Variants in GLDC observed in about 807,000 individuals in gnomAD.
GLDC encodes glycine dehydrogenase (decarboxylating), mitochondrial.
A neutral mutation model predicts 121.3 loss-of-function variants in GLDC; 104 were observed. The observed-to-expected ratio is 0.86, with a 90% CI of 0.73 to 1.01. The LOEUF is 1.01. Among genes scored for constraint, GLDC ranks in the 50% least tolerant of loss-of-function variants. The pLI is 0.00. For synonymous variants in GLDC, 546 were observed against 480.6 expected, an observed-to-expected ratio of 1.14 and a Z score of -1.78; for missense variants, 1,429 against 1,306.6, an observed-to-expected ratio of 1.09 and a Z score of -1.44.
At chr9:6,612,949 G>A (rs546391609) in intron 3 of GLDC, among the ~76,000 whole-genome samples, 3 of 152,208 alleles carry the variant, frequency 2.0e-5, no homozygotes, top group East Asian at 3.9e-4. Context: ...CCTGGGTGAC[G>A]GGAGTGAGAC....
chr9:6,594,620 G>T (rs935329774), intron 9 of GLDC, among the ~76,000 whole-genome samples: 8 of 152,094 alleles, frequency 5.3e-5, no homozygotes, highest in African/African-American at 1.9e-4. Flanking sequence ...ACATGAATCC[G>T]GGAAGTGGAG....
chr9:6,546,813 T>A (rs1423131173), intron 21 of GLDC, among the ~76,000 whole-genome samples: 1 of 151,502 alleles, frequency 6.6e-6, no homozygotes, highest in African/African-American at 2.4e-5. Context: ...AATACAAAAA[T>A]CAGCCAAGCG....
rs528875416 is a variant in GLDC at position 6,532,938 on chromosome 9, G to A, written c.*79C>T. The A allele has an allele frequency of 9.2e-6, 9 of 977,500 alleles. No individual in the cohort carries two copies. Among genetic ancestry groups the A allele is most frequent in the South Asian group, 3.9e-5 (3 of 77,840 alleles). The allele number at this position is 977,500 out of a possible 1,614,324, so 60.6% of individuals were successfully genotyped here. A position where few individuals can be genotyped will look rare whatever the true frequency, so the allele number is the denominator to read the frequency against. On this transcript the variant is annotated 3_prime_UTR_variant, in exon 25 of 25. Coordinates refer to ENST00000321612, the MANE Select transcript of GLDC (RefSeq NM_000170.3). ...TAAAACTCCTACTTGAGGCTGGGGT[G>A]GGAGATGAAATCTTTCTTGCTTATC... is the stretch of plus-strand genomic sequence containing the variant.
At chr9:6,620,161 T>C (rs752295739) in intron 3 of GLDC, 23 bp downstream of exon 3, 55 of 1,610,040 alleles carry the variant, frequency 3.4e-5, no homozygotes, top group Non-Finnish European at 4.6e-5. Flanking sequence ...GTCATCCTGT[T>C]CCTGAACTGA....
chr9:6,539,035 A>C (rs1369520752), intron 22 of GLDC, among the ~76,000 whole-genome samples: 2 of 152,148 alleles, frequency 1.3e-5, no homozygotes, highest in African/African-American at 4.8e-5. Context: ...GAAACTATTA[A>C]ATTTAAAAGA....
At chr9:6,591,904 A>C (rs1347418811) in intron 11 of GLDC, 1 of 464,816 alleles carries the variant, frequency 2.2e-6, no homozygotes, top group Non-Finnish European at 3.9e-6. Context: ...AGGCACTTTC[A>C]ATGAAACACC....
intron 3 of GLDC, among the ~76,000 whole-genome samples, chr9:6,616,241 A>G (rs754166765): frequency 7.2e-5 from 11 of 152,224 alleles, no homozygotes; most frequent in Non-Finnish European, 1.5e-4. Flanking sequence ...ATATTATTAC[A>G]TATTTCCACT....
chr9:6,564,928 G>C (rs1387185055), intron 16 of GLDC, among the ~76,000 whole-genome samples: 1 of 152,210 alleles, frequency 6.6e-6, no homozygotes, highest in Non-Finnish European at 1.5e-5. Flanking sequence ...AATATTGTTT[G>C]AGCATACTAT....
rs1044944625 is a variant in GLDC at position 6,565,492 on chromosome 9, T to C, written c.1851-63A>G. On this transcript the variant is annotated intron_variant, in intron 15 of 24. Coordinates refer to ENST00000321612, the MANE Select transcript of GLDC (RefSeq NM_000170.3). Reference sequence around the variant, plus strand: ...TTCTGGCTTTCATTTACTCATTCAATATTTATTGGGCCCTGGCCAGGGGTT... The same window carrying C: ...TTCTGGCTTTCATTTACTCATTCAACATTTATTGGGCCCTGGCCAGGGGTT... The C allele has an allele frequency of 7.8e-6, 10 of 1,279,698 alleles. No homozygotes were observed. The African/African-American group carries it at 1.0e-4, about 13-fold the overall frequency. 79.3% of individuals were successfully genotyped at this position (1,279,698 alleles called of 1,614,324 possible). A position where few individuals can be genotyped will look rare whatever the true frequency, so the allele number is the denominator to read the frequency against.
chr9:6,610,061 T>C lies in GLDC; in HGVS notation c.635+131A>G, dbSNP rs912811176. ...TCTAGGTTTTTGAACCTGTTGAGTT[T>C]TTCAGTTTCTCTGAAAAGTCATACT... On this transcript the variant is annotated intron_variant, in intron 4 of 24. Transcript: ENST00000321612. 2.4e-5 allele frequency: 18 copies of C among 739,828 alleles called. No homozygotes were observed. In the African/African-American group the frequency reaches 3.2e-4, roughly 13 times the overall value. The allele number at this position is 739,828 out of a possible 1,614,324, so 45.8% of individuals were successfully genotyped here.
At chr9:6,636,877 A>G (rs895120020) in intron 2 of GLDC, among the ~76,000 whole-genome samples, 1 of 152,072 alleles carries the variant, frequency 6.6e-6, no homozygotes, top group Admixed American at 6.5e-5. Flanking sequence ...TGAGGTCAGG[A>G]GTTCAAGACC....
In GLDC at chr9:6,587,332, TA is replaced by T. The variant is rs1013877516; in HGVS notation, c.1708-50del. 6 of 1,316,556 alleles carry T rather than the reference TA, an allele frequency of 4.6e-6. No homozygotes were observed. The African/African-American group carries it at 5.9e-5, about 13-fold the overall frequency. 81.6% of individuals were successfully genotyped at this position (1,316,556 alleles called of 1,614,324 possible). A position where few individuals can be genotyped will look rare whatever the true frequency, so the allele number is the denominator to read the frequency against. Reference sequence around the variant, plus strand: ...GCATATATACATATTATAATAGCAATAGCAATAATAACTTTAATAATAATGA... The same window carrying T: ...GCATATATACATATTATAATAGCAATGCAATAATAACTTTAATAATAATGA... On this transcript the variant is annotated intron_variant, in intron 14 of 24. Transcript: ENST00000321612.
intron 4 of GLDC, among the ~76,000 whole-genome samples, chr9:6,608,954 G>A (rs540418803): frequency 8.5e-5 from 13 of 152,208 alleles, no homozygotes; most frequent in African/African-American, 3.1e-4. Flanking sequence ...AATCAGAAAG[G>A]CCTATGGCTG....
rs564947823 is a variant in GLDC at position 6,544,262 on chromosome 9, G to A, written c.2570-4116C>T. Among the ~76,000 whole-genome samples, 6 of 152,206 alleles carry A rather than the reference G, an allele frequency of 3.9e-5. No homozygotes were observed. The East Asian group carries it at 5.8e-4, about 15-fold the overall frequency. ...TCCCCGAGAATGAGGTCAGGTAAGC[G>A]GGACTGAGCAGGGTCACTTGTGAGC... is the stretch of plus-strand genomic sequence containing the variant. On this transcript the variant is annotated intron_variant, in intron 21 of 24. Transcript: ENST00000321612.
chr9:6,638,780 G>T (rs548302106), intron 2 of GLDC, among the ~76,000 whole-genome samples: 7 of 152,184 alleles, frequency 4.6e-5, no homozygotes, highest in Non-Finnish European at 1.0e-4. Flanking sequence ...GGAGGCCAAG[G>T]CAGGCAGATC....
intron 2 of GLDC, among the ~76,000 whole-genome samples, chr9:6,625,780 A>G (rs1819224270): frequency 6.6e-6 from 1 of 151,850 alleles, no homozygotes; most frequent in African/African-American, 2.4e-5. Context: ...TCCCACTGAT[A>G]GGAAAGGTGG....
At chr9:6,589,390 A>G (rs1818332925) in intron 11 of GLDC, 98 bp from the exon 12 acceptor site, 1 of 672,856 alleles carries the variant, frequency 1.5e-6, no homozygotes, top group Admixed American at 2.5e-5. Context: ...AGCACTCAAA[A>G]TGGATCAAAT....
At chr9:6,606,747 AG>A in intron 4 of GLDC, 78 bp from the exon 5 acceptor site, 1 of 861,410 alleles carries the variant, frequency 1.2e-6, no homozygotes. Context: ...AAGCAAACAT[AG>A]TACCGAGGGT....
chr9:6,574,446 G>A (rs1206002080), intron 15 of GLDC, among the ~76,000 whole-genome samples: 10 of 146,696 alleles, frequency 6.8e-5, no homozygotes, highest in East Asian at 5.9e-4. Flanking sequence ...CAGCCTGGGC[G>A]ACACAGCAAG....
Sources: gnomAD v4.1 joint callset for allele counts (sites outside exome capture counted in the v4.1 genomes callset) on GRCh38, gnomAD v4.1.1 for gene constraint, MANE v1.5 for transcripts, NCBI Gene and HGNC (gene_info 2026-07-23, HGNC 2026-07-21) for gene names.